Variants in DLEU7 observed in about 807,000 individuals in gnomAD.
DLEU7 encodes deleted in lymphocytic leukemia 7.
Under a neutral mutation model 16.0 loss-of-function variants are expected in DLEU7, and 17 were observed. The ratio of observed to expected loss-of-function variants is 1.06; its 90% CI spans 0.73 to 1.59. The LOEUF (loss-of-function observed/expected upper bound fraction) is 1.59, where lower values mean the gene tolerates loss of function less well. DLEU7 is among the 40% of genes most tolerant of loss of function. The pLI, the probability that DLEU7 is intolerant of heterozygous loss-of-function variation, is 0.00. For synonymous variants in DLEU7, 113 were observed against 139.8 expected (o/e 0.81, Z 1.35); for missense variants, 308 against 314.9 (o/e 0.98, Z 0.17).
At chr13:50,725,880 T>A (rs1182783354) in intron 1 of DLEU7, among the ~76,000 whole-genome samples, 1 of 152,212 alleles carries the variant, frequency 6.6e-6, no homozygotes, top group Non-Finnish European at 1.5e-5. Context: ...ATTCTATGAC[T>A]ATTAACAAAT....
At chr13:50,836,080 C>T (rs1188618575) in intron 1 of DLEU7, among the ~76,000 whole-genome samples, 1 of 152,220 alleles carries the variant, frequency 6.6e-6, no homozygotes, top group East Asian at 1.9e-4. Context: ...TTCAAAATCA[C>T]TCCTAAATCT....
intron 1 of DLEU7, among the ~76,000 whole-genome samples, chr13:50,776,925 G>A (rs1441551903): frequency 6.6e-6 from 1 of 152,108 alleles, no homozygotes; most frequent in Non-Finnish European, 1.5e-5. Context: ...TTGTTTGTTT[G>A]TTTTTTAAGC....
At chr13:50,788,031 G>A (rs1015048548) in intron 1 of DLEU7, among the ~76,000 whole-genome samples, 6 of 152,066 alleles carry the variant, frequency 3.9e-5, no homozygotes, top group African/African-American at 7.2e-5. Context: ...CACAGCAGGC[G>A]TTTCCCCAGC....
At position 50,823,440 on chromosome 13, in the gene DLEU7, A is replaced by G; in HGVS notation, c.540T>C (p.Ala180=). 3 of 1,535,978 alleles carry G rather than the reference A, an allele frequency of 2.0e-6. No homozygotes were observed. The highest frequency in any genetic ancestry group is 2.6e-6 in the Non-Finnish European group (3 of 1,146,752). Residue 180 remains alanine (A), a synonymous_variant, in exon 2 of 2, where the codon GCT becomes GCC. Coordinates refer to ENST00000504404, the MANE Select transcript of DLEU7 (RefSeq NM_001306135.2). ...EGQQFDRDLN[A]AHQCLKTIVK... ...CTATTGTCTTCAAACACTGGTGGGC[A>G]GCATTCAAGTCTCTGTCAAACTGCT... is the stretch of plus-strand genomic sequence containing the variant.
chr13:50,733,078 A>G (rs1179929116), intron 1 of DLEU7, among the ~76,000 whole-genome samples: 3 of 152,144 alleles, frequency 2.0e-5, no homozygotes, highest in African/African-American at 7.2e-5. Flanking sequence ...TTTTTGTCAG[A>G]GGGAAATAGA....
intron 1 of DLEU7, among the ~76,000 whole-genome samples, chr13:50,740,448 A>C (rs1393023675): frequency 6.6e-6 from 1 of 152,156 alleles, no homozygotes; most frequent in Non-Finnish European, 1.5e-5. Flanking sequence ...TAAAATTAGG[A>C]TATTAGACTA....
intron 1 of DLEU7, among the ~76,000 whole-genome samples, chr13:50,805,207 G>C (rs9535484): frequency 6.6e-6 from 1 of 151,988 alleles, no homozygotes; most frequent in Admixed American, 6.6e-5. Flanking sequence ...ACTAGGTTAA[G>C]GAAGTATCTA....
intron 1 of DLEU7, among the ~76,000 whole-genome samples, chr13:50,757,965 G>C (rs1293216092): frequency 6.6e-6 from 1 of 150,718 alleles, no homozygotes; most frequent in African/African-American, 2.4e-5. Flanking sequence ...ATCTAAATAT[G>C]GTAAGTGTGA....
chr13:50,838,283 G>A (rs573225352), intron 1 of DLEU7, among the ~76,000 whole-genome samples: 1 of 152,330 alleles, frequency 6.6e-6, no homozygotes, highest in Admixed American at 6.5e-5. Context: ...GAGCTCACAG[G>A]CAGGTTTCAT....
intron 1 of DLEU7, among the ~76,000 whole-genome samples, chr13:50,792,623 TAATC>T (rs141192701): frequency 0.2 from 30,525 of 151,938 alleles, 3,397 homozygotes; most frequent in East Asian, 0.46. Context: ...GAACTGAACT[TAATC>T]AATCAAATTT....
intron 1 of DLEU7, among the ~76,000 whole-genome samples, chr13:50,807,222 A>T (rs1445739619): frequency 2.0e-5 from 3 of 152,078 alleles, no homozygotes; most frequent in Non-Finnish European, 4.4e-5. Flanking sequence ...GCTTTAGTAG[A>T]TGAGCAGAAA....
chr13:50,842,115 T>C (rs183529323), intron 1 of DLEU7, among the ~76,000 whole-genome samples: 49 of 152,212 alleles, frequency 3.2e-4, no homozygotes, highest in African/African-American at 1.2e-3. Context: ...ATGTGAATAG[T>C]ACAGAGATTG....
chr13:50,720,848 C>T (rs1395825918), intron 1 of DLEU7, among the ~76,000 whole-genome samples: 1 of 152,004 alleles, frequency 6.6e-6, no homozygotes, highest in African/African-American at 2.4e-5. Flanking sequence ...ATATCAAAGA[C>T]AGGAGCCCTA....
chr13:50,723,957 A>G (rs1873694461), intron 1 of DLEU7, among the ~76,000 whole-genome samples: 1 of 152,110 alleles, frequency 6.6e-6, no homozygotes, highest in South Asian at 2.1e-4. Flanking sequence ...TCTGGGTCAT[A>G]GAAGGAGAGC....
At chr13:50,755,418 T>C (rs1283288356) in intron 1 of DLEU7, among the ~76,000 whole-genome samples, 1 of 152,182 alleles carries the variant, frequency 6.6e-6, no homozygotes, top group African/African-American at 2.4e-5. Flanking sequence ...TTTGTTATAT[T>C]GGGTTAATTT....
chr13:50,763,117 A>G (rs1283688720), intron 1 of DLEU7, among the ~76,000 whole-genome samples: 1 of 152,172 alleles, frequency 6.6e-6, no homozygotes, highest in Non-Finnish European at 1.5e-5. Flanking sequence ...ACGCAGAGGG[A>G]CAATGATGTG....
At chr13:50,823,956 G>A (rs1265130050) in intron 1 of DLEU7, among the ~76,000 whole-genome samples, 20 of 152,198 alleles carry the variant, frequency 1.3e-4, no homozygotes, top group Non-Finnish European at 5.9e-5. Flanking sequence ...TGAGTATGTG[G>A]CTCTAGCTAT....
chr13:50,728,507 A>C (rs1369359553), intron 1 of DLEU7, among the ~76,000 whole-genome samples: 1 of 152,220 alleles, frequency 6.6e-6, no homozygotes, highest in Non-Finnish European at 1.5e-5. Flanking sequence ...CAAGAAGGAC[A>C]TAAAGTATGC....
intron 1 of DLEU7, among the ~76,000 whole-genome samples, chr13:50,774,464 T>G (rs1222522685): frequency 2.6e-5 from 4 of 152,230 alleles, no homozygotes; most frequent in South Asian, 2.1e-4. Context: ...TTTTGTCCTA[T>G]AGAAACTAGA....
Sources: allele counts gnomAD v4.1 joint callset (sites outside exome capture counted in the v4.1 genomes callset), GRCh38; gene constraint gnomAD v4.1.1; transcripts MANE v1.5; gene names NCBI Gene and HGNC (gene_info 2026-07-23, HGNC 2026-07-21).